Variants in ADAMTS10 observed in about 807,000 individuals in gnomAD.
ADAMTS10 encodes A disintegrin and metalloproteinase with thrombospondin motifs 10.
In ADAMTS10, 48 loss-of-function variants were observed where a neutral mutation model predicts 135.9. The observed-to-expected ratio is 0.35, with a 90% CI of 0.28 to 0.45. ADAMTS10 has a LOEUF of 0.45. Among genes scored for constraint, ADAMTS10 ranks in the 20% least tolerant of loss-of-function variants. The probability of loss-of-function intolerance (pLI) is 1.00; values close to 1 mark genes in which losing one functional copy is unlikely to be tolerated. For missense variants in ADAMTS10, 1,131 were observed against 1,565.2 expected (o/e 0.72, Z 4.68); for synonymous variants, 621 against 647.5 (o/e 0.96, Z 0.62).
At chr19:8,600,421 T>A (rs7507610) in intron 6 of ADAMTS10, among the ~76,000 whole-genome samples, 43,786 of 151,552 alleles carry the variant, frequency 0.29, 7,289 homozygotes, top group East Asian at 0.81. Flanking sequence ...GCAACCAACC[T>A]ACCTACCTAC....
At chr19:8,593,724 C>T (rs1345384912) in intron 12 of ADAMTS10, among the ~76,000 whole-genome samples, 3 of 152,018 alleles carry the variant, frequency 2.0e-5, no homozygotes, top group African/African-American at 4.8e-5. Context: ...AACCTCCCAG[C>T]GTCTTTCCTC....
In ADAMTS10 at chr19:8,605,520, A is replaced by T; in HGVS notation, c.88+103T>A. On this transcript the variant is annotated intron_variant, in intron 3 of 25. Transcript: ENST00000597188. The surrounding 1 kb of genome is among the most constrained non-coding windows in gnomAD (Gnocchi z 7.7). Reference sequence around the variant, plus strand: ...CCTATTGACCCCAGGGCCTTCCCCCATTGACCCCCATCCCAGCCCCCTGAT... The same window carrying T: ...CCTATTGACCCCAGGGCCTTCCCCCTTTGACCCCCATCCCAGCCCCCTGAT... 4.0e-6 allele frequency: 3 copies of T among 752,116 alleles called. No homozygotes were observed. Among genetic ancestry groups the T allele is most frequent in the Non-Finnish European group, 5.9e-6 (3 of 506,376 alleles). 46.6% of individuals were successfully genotyped at this position (752,116 alleles called of 1,614,324 possible).
chr19:8,597,671 C>T lies in ADAMTS10; in HGVS notation c.811-354G>A, dbSNP rs192814906. Among the ~76,000 whole-genome samples, 6 of 152,060 alleles carry T rather than the reference C, an allele frequency of 3.9e-5. No homozygotes were observed. The East Asian group carries it at 5.8e-4, about 15-fold the overall frequency. On this transcript the variant is annotated intron_variant, in intron 6 of 25. Transcript: ENST00000597188. ...GTTGTTGTTTTTTGAGATGGAGTCT[C>T]GCTCTGTTGCCCAGGCTGCAGTGCT...
intron 18 of ADAMTS10, among the ~76,000 whole-genome samples, chr19:8,588,415 A>C (rs1363504219): frequency 6.6e-6 from 1 of 151,846 alleles, no homozygotes; most frequent in Non-Finnish European, 1.5e-5. Context: ...CAGGCTGCTT[A>C]TTATAAAACC....
In ADAMTS10 at chr19:8,605,135, C is replaced by T; in HGVS notation, c.312G>A (p.Val104=). The T allele has an allele frequency of 6.2e-7, 1 of 1,613,744 alleles. No homozygotes were observed. Among genetic ancestry groups the T allele is most frequent in the Admixed American group, 1.7e-5 (1 of 60,008 alleles). ...SSRLLAGHVS[V]EYWTREGLAW... ...CCAGGCCCTCCCGTGTCCAGTACTCCACGGAGACGTGCCCTGCCAGTAGAC... is the reference window on the plus strand; with the variant it reads ...CCAGGCCCTCCCGTGTCCAGTACTCTACGGAGACGTGCCCTGCCAGTAGAC... The change falls in exon 4 of 26, where the codon GTG becomes GTA. Residue 104 remains valine (V), a synonymous_variant. Transcript: ENST00000597188. The surrounding 1 kb of genome is among the most constrained non-coding windows in gnomAD (Gnocchi z 7.7).
At position 8,589,345 on chromosome 19, in the gene ADAMTS10, G is replaced by A. The variant is rs375738134; in HGVS notation, c.2055C>T (p.Val685=). Residue 685 remains valine (V), a synonymous_variant, in exon 18 of 26, where the codon GTC becomes GTT. Transcript: ENST00000597188. Reference sequence around the variant, plus strand: ...TGTCCTCCCGCAGGTCGGAGCCCAGGACTCGGTCGCAGCCCACGTGCTGCG... The same window carrying A: ...TGTCCTCCCGCAGGTCGGAGCCCAGAACTCGGTCGCAGCCCACGTGCTGCG... ...GECKHVGCDR[V]LGSDLREDKC... The A allele has an allele frequency of 2.7e-5, 44 of 1,612,228 alleles. No homozygotes were observed. Among genetic ancestry groups the A allele is most frequent in the Non-Finnish European group, 3.6e-5 (43 of 1,179,950 alleles).
At chr19:8,594,554 C>T (rs1555739784) in intron 12 of ADAMTS10, among the ~76,000 whole-genome samples, 1 of 152,186 alleles carries the variant, frequency 6.6e-6, no homozygotes. Flanking sequence ...GACAGCTCCT[C>T]CCCTCCCCTG....
At chr19:8,603,925 G>T (rs1414340833) in intron 4 of ADAMTS10, 41 bp from the exon 5 acceptor site, 3 of 1,567,696 alleles carry the variant, frequency 1.9e-6, no homozygotes, top group Non-Finnish European at 2.6e-6. Context: ...TCAGGATCAG[G>T]TTCTGGAGCT....
At chr19:8,599,991 C>T (rs370780331) in intron 6 of ADAMTS10, among the ~76,000 whole-genome samples, 48 of 151,914 alleles carry the variant, frequency 3.2e-4, no homozygotes, top group Middle Eastern at 3.2e-3. Flanking sequence ...CCCGCCACCA[C>T]GCCCGGCTAA....
Position 8,595,642 on chromosome 19 carries a change from C to A in ADAMTS10, c.1479+120G>T. ...CAGGTCACCATGGGGGCTCACCTCA[C>A]CCCCCTTCCCGGTTCTCCCACCCCC... On this transcript the variant is annotated intron_variant, in intron 12 of 25. Transcript: ENST00000597188. 3.4e-6 allele frequency: 5 copies of A among 1,491,438 alleles called. No individual in the cohort carries two copies. In the South Asian group the frequency reaches 4.6e-5, roughly 14 times the overall value. 92.4% of individuals were successfully genotyped at this position (1,491,438 alleles called of 1,614,324 possible). A position where few individuals can be genotyped will look rare whatever the true frequency, so the allele number is the denominator to read the frequency against.
Sources: allele counts gnomAD v4.1 joint callset (sites outside exome capture counted in the v4.1 genomes callset), GRCh38; gene constraint gnomAD v4.1.1; non-coding constraint Gnocchi (gnomAD v3.1); transcripts MANE v1.5; gene names NCBI Gene and HGNC (gene_info 2026-07-23, HGNC 2026-07-21).